DGKG: variants seen among roughly 807,000 people sequenced by gnomAD.
DGKG encodes the protein diacylglycerol kinase gamma.
In DGKG, 78 loss-of-function variants were observed where a neutral mutation model predicts 105.3. That is an observed-to-expected ratio of 0.74 (90% CI 0.62 to 0.89). The LOEUF (loss-of-function observed/expected upper bound fraction) is 0.89. Ranked by LOEUF, DGKG falls within the 40% of genes least tolerant of loss-of-function variation. The pLI is 0.00. For missense variants in DGKG, 958 were observed against 1,020.1 expected, an observed-to-expected ratio of 0.94 and a Z score of 0.83; for synonymous variants, 346 against 367.1, an observed-to-expected ratio of 0.94 and a Z score of 0.66.
intron 6 of DGKG, among the ~76,000 whole-genome samples, chr3:186,288,230 T>C (rs1056294130): frequency 4.6e-5 from 7 of 152,048 alleles, no homozygotes; most frequent in Admixed American, 1.3e-4. Flanking sequence ...GGTAGAGAAA[T>C]GGACAAAGGC....
chr3:186,229,854 C>T (rs1473452233), intron 20 of DGKG, among the ~76,000 whole-genome samples: 4 of 152,144 alleles, frequency 2.6e-5, no homozygotes, highest in South Asian at 2.1e-4. Flanking sequence ...GACTCCTCTC[C>T]GAGTGAGAAA....
intron 21 of DGKG, among the ~76,000 whole-genome samples, chr3:186,209,791 G>A (rs1322305951): frequency 1.3e-5 from 2 of 151,968 alleles, no homozygotes; most frequent in East Asian, 3.9e-4. Context: ...TAGATCACAA[G>A]GCACAGGACC....
chr3:186,358,098 A>C (rs1257408280), intron 1 of DGKG, among the ~76,000 whole-genome samples: 1 of 152,250 alleles, frequency 6.6e-6, no homozygotes, highest in African/African-American at 2.4e-5. Flanking sequence ...CACGTAAAGC[A>C]TCCAGTACAG....
At chr3:186,201,553 C>A (rs1355329552) in intron 21 of DGKG, among the ~76,000 whole-genome samples, 2 of 152,208 alleles carry the variant, frequency 1.3e-5, no homozygotes, top group Non-Finnish European at 2.9e-5. Context: ...ATCAAAGATA[C>A]CACCAATAGC....
At chr3:186,262,741 G>A (rs1721834439) in intron 14 of DGKG, among the ~76,000 whole-genome samples, 1 of 152,200 alleles carries the variant, frequency 6.6e-6, no homozygotes, top group Non-Finnish European at 1.5e-5. Context: ...AGTCTAGAGT[G>A]TGTCTCTTGC....
chr3:186,322,345 C>T (rs1189424385), intron 1 of DGKG, among the ~76,000 whole-genome samples: 1 of 152,136 alleles, frequency 6.6e-6, no homozygotes, highest in Non-Finnish European at 1.5e-5. Flanking sequence ...AGATACAGCA[C>T]ATCTTCACTT....
intron 2 of DGKG, among the ~76,000 whole-genome samples, chr3:186,311,567 T>C (rs1724544726): frequency 6.6e-6 from 1 of 152,152 alleles, no homozygotes; most frequent in Admixed American, 6.5e-5. Context: ...CAGTCCAAAA[T>C]TGTCTTCTAT....
intron 19 of DGKG, among the ~76,000 whole-genome samples, chr3:186,245,976 T>G (rs1053722659): frequency 4.6e-5 from 7 of 152,260 alleles, no homozygotes; most frequent in Admixed American, 6.5e-5. Flanking sequence ...ATTTTTAAAT[T>G]TTTTTATTTT....
At chr3:186,152,892 G>A (rs1410290419) in intron 24 of DGKG, among the ~76,000 whole-genome samples, 1 of 151,176 alleles carries the variant, frequency 6.6e-6, no homozygotes, top group African/African-American at 2.4e-5. Context: ...TCGATCTCCT[G>A]ACCTCATGAT....
At chr3:186,273,347 C>G (rs1213711057) in intron 10 of DGKG, among the ~76,000 whole-genome samples, 1 of 136,444 alleles carries the variant, frequency 7.3e-6, no homozygotes. Context: ...TGAACTGGCG[C>G]TGGGGAGACT....
chr3:186,197,198 T>C (rs2284841), intron 21 of DGKG, among the ~76,000 whole-genome samples: 93,130 of 151,752 alleles, frequency 0.61, 28,830 homozygotes, highest in East Asian at 0.76. Context: ...GGGCCATGTC[T>C]GGGGAAAATA....
chr3:186,285,990 T>C (rs1165357434), intron 6 of DGKG, among the ~76,000 whole-genome samples: 1 of 152,228 alleles, frequency 6.6e-6, no homozygotes, highest in African/African-American at 2.4e-5. Flanking sequence ...CCTTTCCTGC[T>C]ATTGTTTAAA....
chr3:186,190,576 T>C (rs894788271), intron 21 of DGKG, among the ~76,000 whole-genome samples: 8 of 152,214 alleles, frequency 5.3e-5, no homozygotes, highest in African/African-American at 1.9e-4. Flanking sequence ...ACAACATCAC[T>C]TCAGCTTAAA....
intron 6 of DGKG, among the ~76,000 whole-genome samples, chr3:186,287,328 A>G (rs1723117416): frequency 1.3e-5 from 2 of 152,186 alleles, no homozygotes; most frequent in Admixed American, 6.5e-5. Flanking sequence ...ATATTTACAG[A>G]TTATATGATG....
chr3:186,176,646 T>C (rs1054794808), intron 22 of DGKG, among the ~76,000 whole-genome samples: 1 of 152,146 alleles, frequency 6.6e-6, no homozygotes, highest in Non-Finnish European at 1.5e-5. Context: ...AACGCAGTCT[T>C]GGATAGGTCA....
chr3:186,158,891 T>G, intron 24 of DGKG: 2 of 938,152 alleles, frequency 2.1e-6, no homozygotes, highest in African/African-American at 3.5e-5. Flanking sequence ...TGCTTTATGC[T>G]TTAGGCACAT....
chr3:186,360,038 G>A (rs1300919987), intron 1 of DGKG, among the ~76,000 whole-genome samples: 2 of 152,152 alleles, frequency 1.3e-5, no homozygotes. Context: ...AGTAGGAGAG[G>A]GGAGAGTTGC....
At chr3:186,211,001 C>A (rs1719010649) in intron 21 of DGKG, among the ~76,000 whole-genome samples, 2 of 152,116 alleles carry the variant, frequency 1.3e-5, no homozygotes, top group South Asian at 4.1e-4. Context: ...CGGAGCGAAG[C>A]CCAGCCAACG....
chr3:186,243,484 C>T (rs758441678), intron 19 of DGKG, among the ~76,000 whole-genome samples: 132 of 152,142 alleles, frequency 8.7e-4, no homozygotes, highest in Admixed American at 2.1e-3. Flanking sequence ...CGTGAGTTCT[C>T]GTGGCTGTTA....
Sources: gnomAD v4.1 joint callset for allele counts (sites outside exome capture counted in the v4.1 genomes callset) on GRCh38, gnomAD v4.1.1 for gene constraint, MANE v1.5 for transcripts, NCBI Gene and HGNC (gene_info 2026-07-23, HGNC 2026-07-21) for gene names.